Variants in USP44 observed in about 807,000 individuals in gnomAD.
USP44 encodes the protein ubiquitin carboxyl-terminal hydrolase 44.
USP44 carries 61 observed loss-of-function variants against 69.0 expected under a neutral mutation model. That is an observed-to-expected ratio of 0.88 (90% CI 0.72 to 1.09). USP44 has a LOEUF of 1.09. USP44 is among the 50% of genes least tolerant of loss of function. USP44 has a pLI of 0.00. For missense variants in USP44, 753 were observed against 849.9 expected (o/e 0.89, Z 1.42); for synonymous variants, 297 against 295.4 (o/e 1.01, Z -0.06).
chr12:95,528,209 A>G (rs1334597802), intron 3 of USP44, among the ~76,000 whole-genome samples: 2 of 152,202 alleles, frequency 1.3e-5, no homozygotes, highest in East Asian at 3.8e-4. Flanking sequence ...CTCCTCCATT[A>G]GAGCACTTAT....
At chr12:95,534,353 T>TA in intron 1 of USP44, 27 bp from the exon 2 acceptor site, 1 of 1,149,906 alleles carries the variant, frequency 8.7e-7, no homozygotes, top group Non-Finnish European at 1.2e-6. Context: ...CAAGTGTTAA[T>TA]AACAAGATGC....
intron 2 of USP44, among the ~76,000 whole-genome samples, chr12:95,531,788 A>G (rs1252488538): frequency 6.6e-6 from 1 of 152,238 alleles, no homozygotes; most frequent in African/African-American, 2.4e-5. Context: ...TGCAGGGGGA[A>G]GGAAATGACC....
rs1262102140 is a variant in USP44, at chr12:95,533,017, G to C, written c.1240C>G (p.Pro414Ala). Residue 414 changes from proline (P) to alanine (A), a missense_variant, in exon 2 of 6, where the codon CCT (proline) becomes GCT (alanine). By Grantham distance (27) the Pro-to-Ala change is conservative. Coordinates refer to ENST00000258499, the MANE Select transcript of USP44 (RefSeq NM_032147.5). ...AMLHSVWRLI[P>A]AFRGYAQQDA... ...TGTTGGGCGTAACCACGAAAGGCAG[G>C]AATGAGTCTCCACACTGAGTGTAGC... is the stretch of plus-strand genomic sequence containing the variant. 17 of 1,614,062 alleles carry C rather than the reference G, an allele frequency of 1.1e-5. No homozygotes were observed. The highest frequency in any genetic ancestry group is 1.4e-5 in the Non-Finnish European group (16 of 1,180,048).
chr12:95,547,458 G>A (rs2077608926), intron 1 of USP44, among the ~76,000 whole-genome samples: 1 of 152,192 alleles, frequency 6.6e-6, no homozygotes, highest in African/African-American at 2.4e-5. Context: ...AGAGTTCCAA[G>A]AATACAAATT....
At chr12:95,528,414 G>T (rs1161344077) in intron 3 of USP44, among the ~76,000 whole-genome samples, 1 of 152,138 alleles carries the variant, frequency 6.6e-6, no homozygotes, top group Non-Finnish European at 1.5e-5. Flanking sequence ...TATGTATATA[G>T]ACATACACAC....
chr12:95,538,360 A>G (rs1172421124), intron 1 of USP44, among the ~76,000 whole-genome samples: 1 of 152,144 alleles, frequency 6.6e-6, no homozygotes, highest in Admixed American at 6.5e-5. Flanking sequence ...AGCTGCCAAT[A>G]GTAATAAAAT....
chr12:95,543,966 CAAAA>C (rs760105964), intron 1 of USP44, among the ~76,000 whole-genome samples: 615 of 47,538 alleles, frequency 0.013, no homozygotes, highest in South Asian at 0.068. Flanking sequence ...GACTGCATCT[CAAAA>C]AAAAAAAAAA....
intron 1 of USP44, among the ~76,000 whole-genome samples, chr12:95,539,370 C>T (rs996575092): frequency 2.6e-5 from 4 of 151,940 alleles, no homozygotes; most frequent in East Asian, 1.9e-4. Context: ...GGACTACAGG[C>T]GCCTGCCACC....
chr12:95,533,210 TTGTC>T lies in USP44; in HGVS notation c.1043_1046del (p.Arg348AsnfsTer8), dbSNP rs1471887594. The T allele has an allele frequency of 1.9e-6, 3 of 1,614,172 alleles. No homozygotes were observed. Among genetic ancestry groups the T allele is most frequent in the Admixed American group, 1.7e-5 (1 of 60,030 alleles). On this transcript the variant is annotated frameshift_variant, in exon 2 of 6. Coordinates refer to ENST00000258499, the MANE Select transcript of USP44 (RefSeq NM_032147.5). LOFTEE classifies it high-confidence loss of function. ...CACTTAGTCCTGATGACAGACTTGA[TTGTC>T]TGGAGCAAACAAAACCTGTATCTTT... is the stretch of plus-strand genomic sequence containing the variant.
At position 95,518,000 on chromosome 12, in the gene USP44, C is replaced by A; in HGVS notation, c.*154G>T. On this transcript the variant is annotated 3_prime_UTR_variant, in exon 6 of 6. Transcript: ENST00000258499. The stretch of plus-strand genomic sequence containing the variant: ...AGTAGTTACCTTCAGTTGATATATA[C>A]ATTTATACTTTGTAAAAAAAAAAAT... The A allele has an allele frequency of 1.3e-6, 1 of 743,348 alleles. No homozygotes were observed. Among genetic ancestry groups the A allele is most frequent in the Non-Finnish European group, 2.1e-6 (1 of 482,748 alleles). 46.0% of individuals were successfully genotyped at this position (743,348 alleles called of 1,614,324 possible).
At chr12:95,529,311 T>C (rs1457198882) in intron 2 of USP44, among the ~76,000 whole-genome samples, 2 of 151,908 alleles carry the variant, frequency 1.3e-5, no homozygotes, top group Non-Finnish European at 2.9e-5. Context: ...TGTATACATA[T>C]ATACATATAT....
rs2077101760 is a variant in USP44, at chr12:95,533,690, T to C, written c.567A>G (p.Glu189=). The C allele has an allele frequency of 6.2e-7, 1 of 1,613,850 alleles. No homozygotes were observed. The highest frequency in any genetic ancestry group is 1.7e-5 in the Admixed American group (1 of 59,966). ...PFQEKIVVKR[E]VKKRRQELEY... ...CCAATTCCTGCCGTCTTTTCTTTAC[T>C]TCTCTTTTTACTACTATTTTTTCCT... is the stretch of plus-strand genomic sequence containing the variant. The change falls in exon 2 of 6, where the codon GAA becomes GAG. Residue 189 remains glutamate, a synonymous_variant. Coordinates refer to ENST00000258499, the MANE Select transcript of USP44 (RefSeq NM_032147.5).
intron 1 of USP44, among the ~76,000 whole-genome samples, chr12:95,550,447 C>T (rs1246320729): frequency 6.6e-6 from 1 of 152,160 alleles, no homozygotes; most frequent in Non-Finnish European, 1.5e-5. Context: ...CAGTGCACTT[C>T]TCCCACTCAA....
At chr12:95,542,424 C>CTAG (rs2077419007) in intron 1 of USP44, among the ~76,000 whole-genome samples, 1 of 152,112 alleles carries the variant, frequency 6.6e-6, no homozygotes, top group Non-Finnish European at 1.5e-5. Flanking sequence ...CTTGGAGCAA[C>CTAG]CAACTAGCAT....
chr12:95,519,724 G>A (rs1196567971), intron 5 of USP44, among the ~76,000 whole-genome samples: 4 of 147,750 alleles, frequency 2.7e-5, no homozygotes, highest in East Asian at 2.2e-4. Context: ...GAGCCACCGC[G>A]CCCGGCCCTC....
intron 4 of USP44, among the ~76,000 whole-genome samples, chr12:95,523,761 A>G (rs2076743005): frequency 6.6e-6 from 1 of 151,950 alleles, no homozygotes; most frequent in African/African-American, 2.4e-5. Context: ...CAAAATTCAT[A>G]ATGGTTTGCT....
intron 3 of USP44, 29 bp downstream of exon 3, chr12:95,528,778 A>G (rs1019024250): frequency 1.9e-6 from 3 of 1,587,140 alleles, no homozygotes; most frequent in East Asian, 4.5e-5. Context: ...TTCCTAGGAA[A>G]GCACCAAGAA....
chr12:95,523,568 C>G (rs2076734937), intron 4 of USP44, among the ~76,000 whole-genome samples: 1 of 151,858 alleles, frequency 6.6e-6, no homozygotes, highest in African/African-American at 2.4e-5. Context: ...CAATATCTCT[C>G]AGCCAGGTGC....
rs753420771 is a variant in USP44, at chr12:95,524,681, T to C, written c.1732A>G (p.Arg578Gly). ...TTTGCAACTGGTCCTACTACAGACCTGAATCGTTTGAGGTGCAGTCTGAGA... is the reference window on the plus strand; with the variant it reads ...TTTGCAACTGGTCCTACTACAGACCCGAATCGTTTGAGGTGCAGTCTGAGA... ...QVLRLHLKRF[R>G]WSGRNNREKI... Residue 578 changes from arginine to glycine, a missense_variant and splice_region_variant, in exon 4 of 6, where the codon AGG becomes GGG. Transcript: ENST00000258499. The C allele has an allele frequency of 6.2e-7, 1 of 1,605,530 alleles. No individual in the cohort carries two copies. Among genetic ancestry groups the C allele is most frequent in the Non-Finnish European group, 8.5e-7 (1 of 1,176,946 alleles).
Sources: allele counts gnomAD v4.1 joint callset (sites outside exome capture counted in the v4.1 genomes callset), GRCh38; gene constraint gnomAD v4.1.1; transcripts MANE v1.5; gene names NCBI Gene and HGNC (gene_info 2026-07-23, HGNC 2026-07-21).